Variants in FGG observed in about 807,000 individuals in gnomAD.
The protein encoded by FGG is fibrinogen, gamma polypeptide.
In FGG, 20 loss-of-function variants were observed where a neutral mutation model predicts 51.7. The ratio of observed to expected loss-of-function variants is 0.39; its 90% CI spans 0.27 to 0.56. The LOEUF is 0.56. Ranked by LOEUF, FGG falls within the 20% of genes least tolerant of loss-of-function variation. FGG has a pLI of 0.64. For missense variants in FGG, 460 were observed against 534.2 expected (o/e 0.86, Z 1.37); for synonymous variants, 184 against 184.7 (o/e 1.00, Z 0.03).
At position 154,612,060 on chromosome 4, in the gene FGG, C is replaced by G; in HGVS notation, c.265G>C (p.Ala89Pro). Residue 89 changes from alanine (A) to proline (P), a missense_variant, in exon 3 of 9, where the codon GCA (alanine) becomes CCA (proline). Coordinates refer to ENST00000336098, the MANE Select transcript of FGG (RefSeq NM_021870.3). Reference protein sequence around the residue: ...KTSEVKQLIKAIQLTYNPDES... With the variant: ...KTSEVKQLIKPIQLTYNPDES... ...TCAGGATTATAAGTGAGTTGGATTG[C>G]TTTTATCAGCTGTTTGACTTCTGAT... 1 of 1,612,968 alleles carries G rather than the reference C, an allele frequency of 6.2e-7. No individual in the cohort carries two copies. Among genetic ancestry groups the G allele is most frequent in the South Asian group, 1.1e-5 (1 of 90,984 alleles).
rs1481127615 is a variant in FGG at position 154,612,415 on chromosome 4, G to C, written c.99C>G (p.Asn33Lys). The change falls in exon 2 of 9, where the codon AAC becomes AAG. Residue 33 changes from asparagine (N) to lysine (K), a missense_variant. Transcript: ENST00000336098. ...CGAATCTTTCATCTAAGATGCAGCA[G>C]TTGTCTCTGGTAGCAACATACTAAA... ...TCVAYVATRDNCCILDERFGS... is the reference protein window; with the variant it reads ...TCVAYVATRDKCCILDERFGS... 6.2e-7 allele frequency: 1 copy of C among 1,613,674 alleles called. No individual in the cohort carries two copies. Among genetic ancestry groups the C allele is most frequent in the Non-Finnish European group, 8.5e-7 (1 of 1,179,928 alleles).
At chr4:154,609,347 A>G (rs963038419) in intron 6 of FGG, among the ~76,000 whole-genome samples, 1 of 152,196 alleles carries the variant, frequency 6.6e-6, no homozygotes, top group Non-Finnish European at 1.5e-5. Flanking sequence ...CTACAAAGTC[A>G]GTGCCAGTAC....
chr4:154,607,924 G>C (rs927567811), intron 7 of FGG, among the ~76,000 whole-genome samples: 6 of 152,094 alleles, frequency 3.9e-5, no homozygotes, highest in African/African-American at 1.4e-4. Context: ...CATCAAAAGA[G>C]CTAGCTGGTT....
At chr4:154,607,581 T>C (rs927483666) in intron 7 of FGG, among the ~76,000 whole-genome samples, 3 of 152,136 alleles carry the variant, frequency 2.0e-5, no homozygotes, top group African/African-American at 7.2e-5. Flanking sequence ...GATTCTTTCC[T>C]GGAAAAAATT....
Position 154,604,788 on chromosome 4 carries a change from G to T in FGG, c.*46C>A, listed in dbSNP as rs769628433. On this transcript the variant is annotated 3_prime_UTR_variant, in exon 9 of 9. Transcript: ENST00000336098. ...GAGAAAAAAGGAAGAAACTTTCAGAGAATTTCTGAAACTTTGTGGGTCAAT... is the reference window on the plus strand; with the variant it reads ...GAGAAAAAAGGAAGAAACTTTCAGATAATTTCTGAAACTTTGTGGGTCAAT... 8 of 1,611,254 alleles carry T rather than the reference G, an allele frequency of 5.0e-6. No homozygotes were observed. Among genetic ancestry groups the T allele is most frequent in the Non-Finnish European group, 6.8e-6 (8 of 1,179,174 alleles).
In FGG at chr4:154,612,434, T is replaced by C. The variant is rs1163362139; in HGVS notation, c.80A>G (p.Tyr27Cys). The C allele has an allele frequency of 4.3e-6, 7 of 1,613,818 alleles. No homozygotes were observed. The highest frequency in any genetic ancestry group is 1.7e-5 in the Admixed American group (1 of 59,996). ...GCAGCAGTTGTCTCTGGTAGCAACA[T>C]ACTAAAAGAGAAAAAATACAGAAAT... ...LLFLSSTCVA[Y>C]VATRDNCCIL... is the part of the protein sequence containing the mutation. The change falls in exon 2 of 9, where the codon TAT becomes TGT. Residue 27 changes from tyrosine (Y) to cysteine (C), a missense_variant and splice_region_variant. Transcript: ENST00000336098.
chr4:154,604,956 G>T lies in FGG; in HGVS notation c.1240C>A (p.Pro414Thr), dbSNP rs776109029. The change falls in exon 9 of 9, where the codon CCA becomes ACA. Residue 414 changes from proline to threonine, a missense_variant. Physicochemically the swap from Pro to Thr is conservative, Grantham distance 38. Coordinates refer to ENST00000336098, the MANE Select transcript of FGG (RefSeq NM_021870.3). ...TCTCCAATTGTGAGTCTGTTGAATG[G>T]GATTATCTTCATAGTGGTTTTCTTC... ...SMKKTTMKII[P>T]FNRLTIGEGQ... 3.5e-5 allele frequency: 56 copies of T among 1,613,910 alleles called. No homozygotes were observed. The highest frequency in any genetic ancestry group is 4.6e-5 in the Non-Finnish European group (54 of 1,179,994).
rs1731057539 is a variant in FGG at position 154,604,374 on chromosome 4, C to A, written c.*460G>T. 6.7e-6 allele frequency: 10 copies of A among 1,487,364 alleles called. No individual in the cohort carries two copies. The highest frequency in any genetic ancestry group is 8.9e-6 in the Non-Finnish European group (10 of 1,121,096). 92.1% of individuals were successfully genotyped at this position (1,487,364 alleles called of 1,614,324 possible). A position where few individuals can be genotyped will look rare whatever the true frequency, so the allele number is the denominator to read the frequency against. ...TCCAGCCTGTGAATATATAACAAAA[C>A]AAAAACCATATTAAAAAGACATAAT... On this transcript the variant is annotated 3_prime_UTR_variant, in exon 9 of 9. Transcript: ENST00000336098.
rs750347350 is a variant in FGG at position 154,608,455 on chromosome 4, C to A, written c.851+11G>T. The stretch of plus-strand genomic sequence containing the variant: ...TACAATAAAAAGTTGGAAGTCATTT[C>A]AAAACAGTACCTGGTTCTGCCATTC... On this transcript the variant is annotated intron_variant, in intron 7 of 8. Coordinates refer to ENST00000336098, the MANE Select transcript of FGG (RefSeq NM_021870.3). The A allele has an allele frequency of 1.2e-6, 2 of 1,612,122 alleles. No individual in the cohort carries two copies. Among genetic ancestry groups the A allele is most frequent in the South Asian group, 2.2e-5 (2 of 90,912 alleles).
At chr4:154,609,216 G>C (rs1000696451) in intron 6 of FGG, among the ~76,000 whole-genome samples, 1 of 152,158 alleles carries the variant, frequency 6.6e-6, no homozygotes, top group South Asian at 2.1e-4. Context: ...TGGGGTGGTG[G>C]GGGGTGGTGT....
At chr4:154,611,693 C>A in intron 4 of FGG, 112 bp downstream of exon 4, 1 of 728,240 alleles carries the variant, frequency 1.4e-6, no homozygotes, top group Non-Finnish European at 2.3e-6. Flanking sequence ...CATAATGTCA[C>A]TGGGATATTA....
At chr4:154,610,046 A>G (rs778143037) in intron 5 of FGG, 21 bp downstream of exon 5, 14 of 1,613,516 alleles carry the variant, frequency 8.7e-6, no homozygotes, top group Non-Finnish European at 1.2e-5. Flanking sequence ...ACCTAATCCC[A>G]ATATAACCTT....
rs1279314456 is a variant in FGG at position 154,609,644 on chromosome 4, T to C, written c.652A>G (p.Thr218Ala). ...CEIDGSGNGW[T>A]VFQKRLDGSV... is the part of the protein sequence containing the mutation. ...GAAAAAATTACCTTCTGAAACACAG[T>C]CCATCCATTTCCAGACCCATCGATT... is the stretch of plus-strand genomic sequence containing the variant. The change falls in exon 6 of 9, where the codon ACT becomes GCT. Residue 218 changes from threonine (T) to alanine (A), a missense_variant. Thr to Ala is a moderately conservative substitution (Grantham distance 58). Around this residue, in one of 3 missense-constraint regions of FGG, gnomAD observed 353 missense variants for 391.7 expected, o/e 0.90. Transcript: ENST00000336098. 13 of 1,613,924 alleles carry C rather than the reference T, an allele frequency of 8.1e-6. No individual in the cohort carries two copies. The highest frequency in any genetic ancestry group is 2.2e-5 in the East Asian group (1 of 44,854).
chr4:154,604,350 C>T lies in FGG; in HGVS notation c.*484G>A. On this transcript the variant is annotated 3_prime_UTR_variant, in exon 9 of 9. Coordinates refer to ENST00000336098, the MANE Select transcript of FGG (RefSeq NM_021870.3). ...TTTTGAAACGGTCTTTTAAACGTCT[C>T]CAGCCTGTGAATATATAACAAAACA... is the stretch of plus-strand genomic sequence containing the variant. The T allele has an allele frequency of 6.6e-7, 1 of 1,510,570 alleles. No homozygotes were observed. The highest frequency in any genetic ancestry group is 8.8e-7 in the Non-Finnish European group (1 of 1,132,312). 93.6% of individuals were successfully genotyped at this position (1,510,570 alleles called of 1,614,324 possible).
chr4:154,610,219 A>T (rs1403787890), intron 4 of FGG, 22 bp from the exon 5 acceptor site: 26 of 1,531,658 alleles, frequency 1.7e-5, no homozygotes, highest in Non-Finnish European at 2.3e-5. Flanking sequence ...AACATAAGAT[A>T]ACAAAAATAA....
intron 8 of FGG, 127 bp downstream of exon 8, chr4:154,606,574 GAAAT>G: frequency 9.1e-6 from 10 of 1,100,750 alleles, no homozygotes; most frequent in Non-Finnish European, 1.3e-5. Flanking sequence ...GAACTTAGTT[GAAAT>G]AAAGAACATG....
At position 154,606,870 on chromosome 4, in the gene FGG, C is replaced by T. The variant is rs777248925; in HGVS notation, c.964G>A (p.Gly322Ser). 20 of 1,613,878 alleles carry T rather than the reference C, an allele frequency of 1.2e-5. No individual in the cohort carries two copies. The highest frequency in any genetic ancestry group is 1.6e-5 in the Non-Finnish European group (19 of 1,179,830). Residue 322 changes from glycine to serine, a missense_variant, in exon 8 of 9, where the codon GGC becomes AGC. Gly to Ser is a moderately conservative substitution (Grantham distance 56). Around this residue, in one of 3 missense-constraint regions of FGG, gnomAD observed 353 missense variants for 391.7 expected, o/e 0.90. Transcript: ENST00000336098. ...AGDAFDGFDF[G>S]DDPSDKFFTS... The stretch of plus-strand genomic sequence containing the variant: ...AAAAACTTGTCACTAGGATCATCGC[C>T]AAAATCAAAGCCATCAAAGGCATCT...
rs1310562266 is a variant in FGG, at chr4:154,612,052, T to A, written c.273A>T (p.Gln91His). 1 of 1,613,014 alleles carries A rather than the reference T, an allele frequency of 6.2e-7. No individual in the cohort carries two copies. Among genetic ancestry groups the A allele is most frequent in the African/African-American group, 1.3e-5 (1 of 74,896 alleles). ...ATGATTCATCAGGATTATAAGTGAG[T>A]TGGATTGCTTTTATCAGCTGTTTGA... is the stretch of plus-strand genomic sequence containing the variant. The part of the protein sequence containing the change: ...SEVKQLIKAI[Q>H]LTYNPDESSK... The change falls in exon 3 of 9, where the codon CAA (glutamine) becomes CAT (histidine). Residue 91 changes from glutamine to histidine, a missense_variant. This residue lies in a region of FGG where 353 missense variants were observed against 391.7 expected (regional missense o/e 0.90). Transcript: ENST00000336098.
At chr4:154,611,693 C>T (rs1366693130) in intron 4 of FGG, 112 bp downstream of exon 4, 8 of 728,122 alleles carry the variant, frequency 1.1e-5, no homozygotes, top group Non-Finnish European at 1.6e-5. Context: ...CATAATGTCA[C>T]TGGGATATTA....
Sources: gnomAD v4.1 joint callset for allele counts (sites outside exome capture counted in the v4.1 genomes callset) on GRCh38, gnomAD v4.1.1 for gene constraint, gnomAD v4.1.1 regional missense constraint, MANE v1.5 for transcripts, NCBI Gene and HGNC (gene_info 2026-07-23, HGNC 2026-07-21) for gene names.